Variants in RBMS3 observed in about 807,000 individuals in gnomAD.
RBMS3 encodes RNA binding motif single stranded interacting protein 3, also known as RNA-binding motif, single-stranded-interacting protein 3.
RBMS3 carries 27 observed loss-of-function variants against 66.8 expected under a neutral mutation model. The observed-to-expected ratio is 0.40, with a 90% CI of 0.30 to 0.56. The LOEUF is 0.56. Ranked by LOEUF, RBMS3 falls within the 20% of genes least tolerant of loss-of-function variation. The probability of loss-of-function intolerance (pLI) is 0.40; values close to 1 mark genes in which losing one functional copy is unlikely to be tolerated. For missense variants in RBMS3, 513 were observed against 549.5 expected (o/e 0.93, Z 0.66); for synonymous variants, 188 against 183.0 (o/e 1.03, Z -0.22).
intron 4 of RBMS3, among the ~76,000 whole-genome samples, chr3:29,614,184 C>G (rs1006332666): frequency 6.6e-6 from 1 of 151,954 alleles, no homozygotes; most frequent in African/African-American, 2.4e-5. Context: ...ATGGATGAAC[C>G]TGGAGGACAA....
At chr3:29,928,211 T>TATATATATATACACACACAC (rs1291440563) in intron 10 of RBMS3, among the ~76,000 whole-genome samples, 1 of 93,508 alleles carries the variant, frequency 1.1e-5, no homozygotes, top group African/African-American at 4.2e-5. Flanking sequence ...TATATATATA[T>TATATATATATACACACACAC]ACACACACAC....
intron 8 of RBMS3, among the ~76,000 whole-genome samples, chr3:29,895,977 G>A (rs143427853): frequency 1.1e-4 from 17 of 150,830 alleles, no homozygotes; most frequent in East Asian, 3.9e-4. Context: ...TCTTTTAAAC[G>A]TCACAACTAT....
chr3:29,933,185 A>C (rs1250939917), intron 10 of RBMS3, among the ~76,000 whole-genome samples: 2 of 152,190 alleles, frequency 1.3e-5, no homozygotes, highest in East Asian at 3.9e-4. Context: ...TCTGTCACAA[A>C]CACTCTTCAG....
chr3:29,757,946 C>A lies in RBMS3; in HGVS notation c.558-4964C>A, dbSNP rs369593104. On this transcript the variant is annotated intron_variant, in intron 5 of 14. Transcript: ENST00000383767. ...GTGTTTAGCTGTCCTGTCTCATCAGCCTGCTCTGATCTGCGATAATTTCTT... is the reference window on the plus strand; with the variant it reads ...GTGTTTAGCTGTCCTGTCTCATCAGACTGCTCTGATCTGCGATAATTTCTT... Among the ~76,000 whole-genome samples the A allele has an allele frequency of 1.2e-4, 19 of 152,270 alleles. 1 individual carries two copies. Among genetic ancestry groups the A allele is most frequent in the African/African-American group, 4.6e-4 (19 of 41,562 alleles).
At chr3:29,408,250 T>C (rs1201882084) in intron 1 of RBMS3, among the ~76,000 whole-genome samples, 1 of 125,302 alleles carries the variant, frequency 8.0e-6, no homozygotes, top group Non-Finnish European at 1.6e-5. Context: ...CCAGCCTGGA[T>C]GACAGAGCGA....
intron 10 of RBMS3, among the ~76,000 whole-genome samples, chr3:29,922,539 C>A (rs2060819137): frequency 6.6e-6 from 1 of 150,596 alleles, no homozygotes; most frequent in Admixed American, 6.6e-5. Context: ...ACTCAGCATT[C>A]GTGAATGGAT....
intron 7 of RBMS3, among the ~76,000 whole-genome samples, chr3:29,879,823 A>G (rs1181560485): frequency 6.6e-6 from 1 of 151,990 alleles, no homozygotes; most frequent in Non-Finnish European, 1.5e-5. Flanking sequence ...AATTCAGGCC[A>G]TCATCATTTT....
intron 6 of RBMS3, among the ~76,000 whole-genome samples, chr3:29,792,991 C>A (rs891498928): frequency 1.3e-5 from 2 of 152,106 alleles, no homozygotes; most frequent in African/African-American, 4.8e-5. Flanking sequence ...TTAATCCCAG[C>A]GCTTTGGGAG....
intron 1 of RBMS3, among the ~76,000 whole-genome samples, chr3:29,325,023 A>C (rs1229661142): frequency 6.6e-6 from 1 of 151,142 alleles, no homozygotes; most frequent in Non-Finnish European, 1.5e-5. Flanking sequence ...CATTCTTTGT[A>C]ACAAGAGAAT....
intron 3 of RBMS3, among the ~76,000 whole-genome samples, chr3:29,493,798 G>C (rs1054656077): frequency 6.6e-6 from 1 of 152,130 alleles, no homozygotes; most frequent in African/African-American, 2.4e-5. Flanking sequence ...AGAATAACAT[G>C]TTTTGCTTTT....
chr3:29,640,008 C>T (rs931640640), intron 4 of RBMS3, among the ~76,000 whole-genome samples: 9 of 151,788 alleles, frequency 5.9e-5, no homozygotes, highest in Non-Finnish European at 8.8e-5. Context: ...TAATCCCCTC[C>T]TATGCCCTGA....
intron 7 of RBMS3, among the ~76,000 whole-genome samples, chr3:29,883,648 G>A (rs2059788457): frequency 6.6e-6 from 1 of 151,906 alleles, no homozygotes; most frequent in African/African-American, 2.4e-5. Context: ...GTTAAGATAA[G>A]AAATAGCAAT....
Position 29,990,201 on chromosome 3 carries a change from T to C in RBMS3, c.1180-881T>C, listed in dbSNP as rs1318730984. On this transcript the variant is annotated intron_variant, in intron 13 of 14. Coordinates refer to ENST00000383767, the MANE Select transcript of RBMS3 (RefSeq NM_001003793.3). ...AAATAGTAAATTAGGAAAGAAAAGATTGAATAGAGAGACTTTTCAAATTCT... is the reference window on the plus strand; with the variant it reads ...AAATAGTAAATTAGGAAAGAAAAGACTGAATAGAGAGACTTTTCAAATTCT... 8.9e-5 allele frequency among the ~76,000 whole-genome samples: 13 copies of C among 145,862 alleles called. No homozygotes were observed. The Admixed American group carries it at 9.0e-4, about 10-fold the overall frequency.
At chr3:29,637,474 A>T (rs546755355) in intron 4 of RBMS3, among the ~76,000 whole-genome samples, 25 of 151,964 alleles carry the variant, frequency 1.6e-4, no homozygotes, top group Middle Eastern at 3.4e-3. Context: ...ACTTTGCTAT[A>T]ACTTGATGCT....
In RBMS3 at chr3:29,549,903, C is replaced by G. The variant is rs112383903; in HGVS notation, c.308-37211C>G. On this transcript the variant is annotated intron_variant, in intron 3 of 14. Coordinates refer to ENST00000383767, the MANE Select transcript of RBMS3 (RefSeq NM_001003793.3). ...GCAGATGGTCATATTATATACTACT[C>G]TCTTGTCCTATTGCTTATTCTGTGC... 1.3e-3 allele frequency among the ~76,000 whole-genome samples: 196 copies of G among 152,174 alleles called. 1 individual carries two copies. Among genetic ancestry groups the G allele is most frequent in the African/African-American group, 4.5e-3 (185 of 41,524 alleles).
intron 7 of RBMS3, among the ~76,000 whole-genome samples, chr3:29,874,895 T>A (rs1017094212): frequency 6.6e-6 from 1 of 152,174 alleles, no homozygotes; most frequent in Non-Finnish European, 1.5e-5. Flanking sequence ...TGTACTAGTG[T>A]AAGTTTGGAT....
chr3:30,007,329 T>C lies in RBMS3; in HGVS notation c.*3467T>C, dbSNP rs565122740. On this transcript the variant is annotated 3_prime_UTR_variant, in exon 15 of 15. Transcript: ENST00000383767. ...AACTAGGACTATAATCTTTTTTTTTTTCTTTAAGTTGAAGTTAATTTTCTG... is the reference window on the plus strand; with the variant it reads ...AACTAGGACTATAATCTTTTTTTTTCTCTTTAAGTTGAAGTTAATTTTCTG... 6.6e-6 allele frequency: 1 copy of C among 152,258 alleles called. No homozygotes were observed. Among genetic ancestry groups the C allele is most frequent in the South Asian group, 2.1e-4 (1 of 4,832 alleles). 9.4% of individuals were successfully genotyped at this position (152,258 alleles called of 1,614,324 possible).
intron 4 of RBMS3, among the ~76,000 whole-genome samples, chr3:29,685,946 T>A (rs1178353343): frequency 3.3e-5 from 5 of 151,898 alleles, no homozygotes; most frequent in African/African-American, 1.2e-4. Flanking sequence ...TTCCCATATT[T>A]ACCAACAAGT....
intron 3 of RBMS3, among the ~76,000 whole-genome samples, chr3:29,563,888 G>A (rs1214688348): frequency 2.0e-5 from 3 of 151,730 alleles, no homozygotes; most frequent in Non-Finnish European, 4.4e-5. Flanking sequence ...ATTGTGGCAT[G>A]TACCTGTGGT....
Sources: gnomAD v4.1 joint callset for allele counts (sites outside exome capture counted in the v4.1 genomes callset) on GRCh38, gnomAD v4.1.1 for gene constraint, MANE v1.5 for transcripts, NCBI Gene and HGNC (gene_info 2026-07-23, HGNC 2026-07-21) for gene names.